Variants in IKBKE observed in about 807,000 individuals in gnomAD.
IKBKE encodes the protein inhibitor of nuclear factor kappa B kinase subunit epsilon.
Under a neutral mutation model 92.1 loss-of-function variants are expected in IKBKE, and 45 were observed. That is an observed-to-expected ratio of 0.49 (90% confidence interval 0.38 to 0.63). The LOEUF (loss-of-function observed/expected upper bound fraction) is 0.63. IKBKE is among the 20% of genes least tolerant of loss of function. The probability of loss-of-function intolerance (pLI) is 0.00; values close to 1 mark genes in which losing one functional copy is unlikely to be tolerated. For missense variants in IKBKE, 700 were observed against 932.8 expected (o/e 0.75, Z 3.25); for synonymous variants, 374 against 380.3 (o/e 0.98, Z 0.19).
intron 13 of IKBKE, among the ~76,000 whole-genome samples, chr1:206,481,766 CTTTTTTTTTTTTTTT>C (rs71152472): frequency 8.6e-5 from 4 of 46,540 alleles, no homozygotes; most frequent in African/African-American, 9.2e-5. Flanking sequence ...AAGGATGAGG[CTTTTTTTTTTTTTTT>C]TTTTTTTTTT....
chr1:206,493,226 C>A, intron 19 of IKBKE, 40 bp from the exon 20 acceptor site: 1 of 1,577,704 alleles, frequency 6.3e-7, no homozygotes, highest in Non-Finnish European at 8.7e-7. Flanking sequence ...CACACATAAG[C>A]TGGCTACTAA....
In IKBKE at chr1:206,479,110, C is replaced by T. The variant is rs1384453577; in HGVS notation, c.1160C>T (p.Pro387Leu). 4.4e-6 allele frequency: 7 copies of T among 1,608,856 alleles called. No homozygotes were observed. Among genetic ancestry groups the T allele is most frequent in the Non-Finnish European group, 5.9e-6 (7 of 1,177,602 alleles). ...CTGACCCTCTTCAGCACAGCCATCC[C>T]TAAGGGGCTGGCCTTCAGGGACCGT... The part of the protein sequence containing the change: ...SPLTLFSTAI[P>L]KGLAFRDPAL... Residue 387 changes from proline to leucine, a missense_variant, in exon 10 of 22, where the codon CCT becomes CTT. Pro to Leu is a moderately conservative substitution (Grantham distance 98). Coordinates refer to ENST00000581977, the MANE Select transcript of IKBKE (RefSeq NM_014002.4).
intron 11 of IKBKE, 30 bp downstream of exon 11, chr1:206,479,964 G>A (rs986540195): frequency 1.9e-6 from 3 of 1,613,560 alleles, no homozygotes; most frequent in Admixed American, 3.3e-5. Context: ...TGGCAGGGAG[G>A]GGCATGACCC....
Position 206,473,309 on chromosome 1 carries a change from A to C in IKBKE, c.82A>C (p.Asn28His). ...GATASVYKAR[N>H]KKSGELVAVK... ...CACTGCCAGTGTGTACAAGGCCCGC[A>C]ACAAGGTAGGAAGCAACCCTGGCCA... Residue 28 changes from asparagine to histidine, a missense_variant, in exon 3 of 22, where the codon AAC becomes CAC. Physicochemically the swap from Asn to His is moderately conservative, Grantham distance 68. Transcript: ENST00000581977. 6.2e-7 allele frequency: 1 copy of C among 1,611,708 alleles called. No homozygotes were observed. The highest frequency in any genetic ancestry group is 8.5e-7 in the Non-Finnish European group (1 of 1,178,866).
intron 15 of IKBKE, among the ~76,000 whole-genome samples, chr1:206,486,111 G>A (rs974963119): frequency 6.6e-6 from 1 of 152,236 alleles, no homozygotes; most frequent in Admixed American, 6.5e-5. Flanking sequence ...ATCGAATGAG[G>A]CTCTTTATAG....
chr1:206,491,904 C>G (rs1329900137), intron 18 of IKBKE, 155 bp downstream of exon 18: 5 of 576,698 alleles, frequency 8.7e-6, no homozygotes, highest in Non-Finnish European at 1.6e-5. Flanking sequence ...GTGGACCAGG[C>G]AGTTGGCTGG....
rs143970777 is a variant in IKBKE at position 206,487,093 on chromosome 1, C to T, written c.1617-821C>T. On this transcript the variant is annotated intron_variant, in intron 15 of 21. Coordinates refer to ENST00000581977, the MANE Select transcript of IKBKE (RefSeq NM_014002.4). This position sits in a 1 kb window ranked among gnomAD's most constrained non-coding sequence, Gnocchi z 5.3. Reference sequence around the variant, plus strand: ...ATGTTCCTGGCGGGGCAGGCTCCTTCGGCTGGCAGAGCCCTGGAACAAGCC... The same window carrying T: ...ATGTTCCTGGCGGGGCAGGCTCCTTTGGCTGGCAGAGCCCTGGAACAAGCC... Among the ~76,000 whole-genome samples the T allele has an allele frequency of 4.6e-5, 7 of 152,330 alleles. No homozygotes were observed. Among genetic ancestry groups the T allele is most frequent in the East Asian group, 3.9e-4 (2 of 5,182 alleles).
intron 12 of IKBKE, 52 bp from the exon 13 acceptor site, chr1:206,480,395 G>A (rs1436698227): frequency 1.1e-5 from 16 of 1,434,590 alleles, no homozygotes; most frequent in Middle Eastern, 1.7e-4. Context: ...CTGCATGCAC[G>A]GTGCTGAGTC....
chr1:206,473,014 C>T (rs1424720264), intron 2 of IKBKE, 182 bp from the exon 3 acceptor site: 3 of 569,028 alleles, frequency 5.3e-6, no homozygotes, highest in African/African-American at 1.9e-5. Context: ...TTGTGCTGTG[C>T]GTCCTTTTGG....
At chr1:206,486,685 G>A (rs1665680919) in intron 15 of IKBKE, among the ~76,000 whole-genome samples, 1 of 150,864 alleles carries the variant, frequency 6.6e-6, no homozygotes, top group Non-Finnish European at 1.5e-5. Flanking sequence ...GATGAAGGCT[G>A]TGGATCTGAG....
Position 206,490,285 on chromosome 1 carries a change from G to A in IKBKE, c.1694-534G>A, listed in dbSNP as rs1042746743. Among the ~76,000 whole-genome samples, 8 of 152,216 alleles carry A rather than the reference G, an allele frequency of 5.3e-5. No homozygotes were observed. The highest frequency in any genetic ancestry group is 2.0e-4 in the Admixed American group (3 of 15,288). On this transcript the variant is annotated intron_variant, in intron 16 of 21. Coordinates refer to ENST00000581977, the MANE Select transcript of IKBKE (RefSeq NM_014002.4). This position sits in a 1 kb window ranked among gnomAD's most constrained non-coding sequence, Gnocchi z 5.2. ...AGGGGGCAGCATCTCCCTAGTGCAT[G>A]AGCCTTAGGGCCCTTCAGGAGGCAG... is the stretch of plus-strand genomic sequence containing the variant.
In IKBKE at chr1:206,473,217, C is replaced by T; in HGVS notation, c.-11C>T. On this transcript the variant is annotated 5_prime_UTR_variant, in exon 3 of 22. Transcript: ENST00000581977. ...CTAGGCAGAAGGTGACCAGCCAGCT[C>T]AGGGCAGGAGATGCAGAGCACAGCC... 1.2e-6 allele frequency: 2 copies of T among 1,608,176 alleles called. No homozygotes were observed. Among genetic ancestry groups the T allele is most frequent in the Non-Finnish European group, 1.7e-6 (2 of 1,176,506 alleles).
chr1:206,474,762 A>T (rs782008836), intron 4 of IKBKE, 103 bp from the exon 5 acceptor site: 1 of 1,390,134 alleles, frequency 7.2e-7, no homozygotes, highest in Non-Finnish European at 9.9e-7. Context: ...AGAAGCTGGG[A>T]CCTGGAGAAT....
At chr1:206,491,106 C>CA (rs1558484114) in intron 17 of IKBKE, 1 of 538,300 alleles carries the variant, frequency 1.9e-6, no homozygotes, top group Admixed American at 3.2e-5. Context: ...TGTTTGCAGG[C>CA]TTTTTTTTTC....
intron 2 of IKBKE, among the ~76,000 whole-genome samples, chr1:206,472,204 T>G (rs1553383987): frequency 6.6e-6 from 1 of 152,132 alleles, no homozygotes; most frequent in South Asian, 2.1e-4. Context: ...TGAGTCATGA[T>G]TGTACCACTG....
At chr1:206,488,119 G>A in intron 16 of IKBKE, 129 bp downstream of exon 16, 1 of 688,456 alleles carries the variant, frequency 1.5e-6, no homozygotes, top group South Asian at 1.7e-5. Context: ...CCAGCTGGTG[G>A]TTCTTGGAGG....
intron 17 of IKBKE, 171 bp from the exon 18 acceptor site, chr1:206,491,477 C>T (rs1322784069): frequency 5.6e-6 from 3 of 533,950 alleles, no homozygotes; most frequent in Non-Finnish European, 1.0e-5. Flanking sequence ...CTTCACAATC[C>T]AAGTGTGTGA....
Position 206,493,077 on chromosome 1 carries a change from C to A in IKBKE, c.1890C>A (p.Ala630=). The A allele has an allele frequency of 6.3e-7, 1 of 1,591,588 alleles. No individual in the cohort carries two copies. The highest frequency in any genetic ancestry group is 2.3e-5 in the East Asian group (1 of 44,146). The change falls in exon 19 of 22, where the codon GCC becomes GCA. Residue 630 remains alanine (A), a synonymous_variant. Coordinates refer to ENST00000581977, the MANE Select transcript of IKBKE (RefSeq NM_014002.4). ...HLRLVGCSVA[A]CNTEAQGVQE... ...GCCTGGTTGGCTGTTCTGTGGCTGC[C>A]TGTAACACAGAAGCCCAGGGGGTCC...
Position 206,471,200 on chromosome 1 carries a change from C to G in IKBKE, c.-78C>G, listed in dbSNP as rs990938366. 6.6e-6 allele frequency: 1 copy of G among 152,232 alleles called. No homozygotes were observed. The highest frequency in any genetic ancestry group is 2.4e-5 in the African/African-American group (1 of 41,420). The allele number at this position is 152,232 out of a possible 1,614,324, so 9.4% of individuals were successfully genotyped here. A position where few individuals can be genotyped will look rare whatever the true frequency, so the allele number is the denominator to read the frequency against. On this transcript the variant is annotated 5_prime_UTR_variant, in exon 2 of 22. Transcript: ENST00000581977. Reference sequence around the variant, plus strand: ...ACAGACAGAAAGCATAACATACACTCGCCAGGAAGAGCCTTTGCCTGACTC... The same window carrying G: ...ACAGACAGAAAGCATAACATACACTGGCCAGGAAGAGCCTTTGCCTGACTC...
Sources: allele counts gnomAD v4.1 joint callset (sites outside exome capture counted in the v4.1 genomes callset), GRCh38; gene constraint gnomAD v4.1.1; non-coding constraint Gnocchi (gnomAD v3.1); transcripts MANE v1.5; gene names NCBI Gene and HGNC (gene_info 2026-07-23, HGNC 2026-07-21).